The following UNC5A variants were observed in gnomAD, a reference collection of about 807,000 sequenced individuals.
The protein encoded by UNC5A is netrin receptor UNC5A.
In UNC5A, 20 loss-of-function variants were observed where a neutral mutation model predicts 87.4. The observed-to-expected ratio is 0.23, with a 90% CI of 0.16 to 0.33. The LOEUF (loss-of-function observed/expected upper bound fraction) is 0.33, where lower values mean the gene tolerates loss of function less well. Ranked by LOEUF, UNC5A falls within the 10% of genes least tolerant of loss-of-function variation. The pLI is 1.00. For synonymous variants in UNC5A, 438 were observed against 482.3 expected (o/e 0.91, Z 1.20); for missense variants, 844 against 1,133.4 (o/e 0.74, Z 3.67).
chr5:176,846,158 A>G (rs1214639220), intron 1 of UNC5A, among the ~76,000 whole-genome samples: 1 of 152,134 alleles, frequency 6.6e-6, no homozygotes, highest in Admixed American at 6.6e-5. Flanking sequence ...GGATGGGGGC[A>G]CTTTCTGCCC....
chr5:176,862,966 G>A (rs1757879729), intron 2 of UNC5A, 121 bp downstream of exon 2: 5 of 1,145,138 alleles, frequency 4.4e-6, no homozygotes, highest in Non-Finnish European at 6.3e-6. Flanking sequence ...TTCCCCAGAG[G>A]CCACAACCCT....
chr5:176,817,776 G>T (rs1756629695), intron 1 of UNC5A, among the ~76,000 whole-genome samples: 1 of 152,000 alleles, frequency 6.6e-6, no homozygotes, highest in Non-Finnish European at 1.5e-5. Context: ...GGGCAGAGGG[G>T]CTTCGCCATT....
chr5:176,849,891 C>T (rs1757501939), intron 1 of UNC5A, among the ~76,000 whole-genome samples: 1 of 152,228 alleles, frequency 6.6e-6, no homozygotes. Flanking sequence ...ACTCTTGGAG[C>T]TTGTGGCAAG....
chr5:176,850,558 CG>C (rs1757518497), intron 1 of UNC5A, among the ~76,000 whole-genome samples: 1 of 145,528 alleles, frequency 6.9e-6, no homozygotes, highest in Admixed American at 6.8e-5. Context: ...CGAGGGTGGG[CG>C]GGGAGCCTGG....
At chr5:176,849,166 A>G (rs1757483615) in intron 1 of UNC5A, among the ~76,000 whole-genome samples, 1 of 152,230 alleles carries the variant, frequency 6.6e-6, no homozygotes, top group Non-Finnish European at 1.5e-5. Context: ...GACACTGCCC[A>G]GTCTGGCTTT....
chr5:176,820,180 G>C (rs1032229941), intron 1 of UNC5A, among the ~76,000 whole-genome samples: 18 of 152,090 alleles, frequency 1.2e-4, no homozygotes, highest in Non-Finnish European at 2.6e-4. Flanking sequence ...GGTGGATCAC[G>C]AGGTCAGGAA....
At chr5:176,816,862 G>A (rs955529178) in intron 1 of UNC5A, among the ~76,000 whole-genome samples, 4 of 152,250 alleles carry the variant, frequency 2.6e-5, no homozygotes, top group South Asian at 4.1e-4. Context: ...AAGACGGAGC[G>A]ACTGGGGAGC....
intron 1 of UNC5A, among the ~76,000 whole-genome samples, chr5:176,827,183 T>C (rs1377381283): frequency 2.1e-5 from 3 of 144,908 alleles, no homozygotes; most frequent in African/African-American, 7.6e-5. Flanking sequence ...TCATTCCTTT[T>C]TTTTTTTTTT....
chr5:176,830,485 C>T (rs1306585129), intron 1 of UNC5A, among the ~76,000 whole-genome samples: 1 of 117,962 alleles, frequency 8.5e-6, no homozygotes, highest in African/African-American at 3.4e-5. Context: ...TGTGTGTGTG[C>T]CGGCGTATGT....
chr5:176,812,917 C>G (rs184672229), intron 1 of UNC5A, among the ~76,000 whole-genome samples: 281 of 152,274 alleles, frequency 1.8e-3, no homozygotes, highest in Middle Eastern at 0.01. Flanking sequence ...GGGCTCCTCC[C>G]GCGCTGCCTT....
rs1179464659 is a variant in UNC5A, at chr5:176,841,185, A to G, written c.71-21439A>G. On this transcript the variant is annotated intron_variant, in intron 1 of 14. Coordinates refer to ENST00000329542, the MANE Select transcript of UNC5A (RefSeq NM_133369.3). The surrounding 1 kb of genome is among the most constrained non-coding windows in gnomAD (Gnocchi z 4.1). ...GGTAATGATCACGAGCTAAAGTTGC[A>G]GGGGGCACCAGATGTCTGTTCTAAT... Among the ~76,000 whole-genome samples the G allele has an allele frequency of 6.6e-6, 1 of 152,250 alleles. No individual in the cohort carries two copies. The highest frequency in any genetic ancestry group is 1.5e-5 in the Non-Finnish European group (1 of 68,042).
At chr5:176,864,110 A>G (rs1260592718) in intron 2 of UNC5A, among the ~76,000 whole-genome samples, 3 of 151,858 alleles carry the variant, frequency 2.0e-5, no homozygotes, top group Admixed American at 1.3e-4. Flanking sequence ...CAGGACTCCC[A>G]CTGATGCCAA....
chr5:176,856,963 C>T (rs1757681796), intron 1 of UNC5A, among the ~76,000 whole-genome samples: 1 of 152,234 alleles, frequency 6.6e-6, no homozygotes, highest in Non-Finnish European at 1.5e-5. Flanking sequence ...ACTGGCCTCC[C>T]TGCTGTCCTC....
At chr5:176,861,892 C>T (rs576330682) in intron 1 of UNC5A, among the ~76,000 whole-genome samples, 339 of 152,322 alleles carry the variant, frequency 2.2e-3, no homozygotes, top group African/African-American at 7.7e-3. Flanking sequence ...ACCCCATCCT[C>T]TCAGGGGACC....
Position 176,869,013 on chromosome 5 carries a change from T to TG in UNC5A, c.721+52dup. ...ACAGGGAGAGGCACTGCGGTGCCCC[T>TG]GGGCAGTGACATGTGGCTGGTGGGG... On this transcript the variant is annotated intron_variant, in intron 5 of 14. Transcript: ENST00000329542. This position sits in a 1 kb window ranked among gnomAD's most constrained non-coding sequence, Gnocchi z 9.1. 1.3e-6 allele frequency: 2 copies of TG among 1,538,220 alleles called. No individual in the cohort carries two copies. The highest frequency in any genetic ancestry group is 1.8e-6 in the Non-Finnish European group (2 of 1,141,388).
chr5:176,868,752 C>T, intron 4 of UNC5A, 32 bp from the exon 5 acceptor site: 1 of 1,588,174 alleles, frequency 6.3e-7, no homozygotes, highest in Non-Finnish European at 8.6e-7. Context: ...CCAGCATGGG[C>T]TGGCAGTACA....
chr5:176,869,237 C>G lies in UNC5A; in HGVS notation c.721+273C>G, dbSNP rs1040564060. The stretch of plus-strand genomic sequence containing the variant: ...CAGGATGGGAATCTAGGAAAGGTGA[C>G]AGGCTGTCCCCACTCCTGAGTCTCC... On this transcript the variant is annotated intron_variant, in intron 5 of 14. Transcript: ENST00000329542. This position sits in a 1 kb window ranked among gnomAD's most constrained non-coding sequence, Gnocchi z 9.1. Among the ~76,000 whole-genome samples the G allele has an allele frequency of 6.6e-6, 1 of 152,136 alleles. No individual in the cohort carries two copies. Among genetic ancestry groups the G allele is most frequent in the African/African-American group, 2.4e-5 (1 of 41,436 alleles).
chr5:176,853,628 C>CG (rs34027585), intron 1 of UNC5A, among the ~76,000 whole-genome samples: 1 of 152,180 alleles, frequency 6.6e-6, no homozygotes, highest in South Asian at 2.1e-4. Flanking sequence ...GAGCGTAGGT[C>CG]GGGGGAGCAG....
chr5:176,842,776 C>T (rs1757307011), intron 1 of UNC5A, among the ~76,000 whole-genome samples: 1 of 152,172 alleles, frequency 6.6e-6, no homozygotes, highest in Admixed American at 6.5e-5. Context: ...GTGATGGGTG[C>T]ACCAAAATCT....
Sources: allele counts gnomAD v4.1 joint callset (sites outside exome capture counted in the v4.1 genomes callset), GRCh38; gene constraint gnomAD v4.1.1; non-coding constraint Gnocchi (gnomAD v3.1); transcripts MANE v1.5; gene names NCBI Gene and HGNC (gene_info 2026-07-23, HGNC 2026-07-21).